Variants in PIK3C2G observed in about 807,000 individuals in gnomAD.
PIK3C2G encodes phosphatidylinositol 3-kinase C2 domain-containing subunit gamma.
PIK3C2G carries 168 observed loss-of-function variants against 181.1 expected under a neutral mutation model. The observed-to-expected ratio is 0.93, with a 90% CI of 0.82 to 1.05. The LOEUF (loss-of-function observed/expected upper bound fraction) is 1.05. Ranked by LOEUF, PIK3C2G falls within the 50% of genes least tolerant of loss-of-function variation. PIK3C2G has a pLI of 0.00. For missense variants in PIK3C2G, 1,869 were observed against 1,732.8 expected (o/e 1.08, Z -1.40); for synonymous variants, 573 against 592.2 (o/e 0.97, Z 0.47).
At chr12:18,501,470 G>C (rs1022884373) in intron 22 of PIK3C2G, among the ~76,000 whole-genome samples, 1 of 152,124 alleles carries the variant, frequency 6.6e-6, no homozygotes, top group Non-Finnish European at 1.5e-5. Context: ...GGATTATGGG[G>C]ATTATAAATT....
chr12:18,354,467 TGA>T (rs1474419548), intron 11 of PIK3C2G, among the ~76,000 whole-genome samples: 2 of 152,188 alleles, frequency 1.3e-5, no homozygotes, highest in African/African-American at 2.4e-5. Flanking sequence ...CAGCCTCTCC[TGA>T]GATGGCCAAT....
chr12:18,416,838 A>G (rs1945207076), intron 16 of PIK3C2G, among the ~76,000 whole-genome samples: 1 of 152,216 alleles, frequency 6.6e-6, no homozygotes, highest in African/African-American at 2.4e-5. Context: ...CTGCTAACAA[A>G]ACATCCATTC....
chr12:18,598,878 C>T (rs1325959227), intron 30 of PIK3C2G, among the ~76,000 whole-genome samples: 2 of 151,786 alleles, frequency 1.3e-5, no homozygotes, highest in East Asian at 1.9e-4. Flanking sequence ...ATTTATGCAG[C>T]CAAAAAACAC....
At chr12:18,575,090 G>A (rs1565523654) in intron 29 of PIK3C2G, among the ~76,000 whole-genome samples, 2 of 152,130 alleles carry the variant, frequency 1.3e-5, no homozygotes, top group Admixed American at 6.6e-5. Context: ...CTAGGTCATA[G>A]GGGTCCTAAG....
At chr12:18,293,302 C>T (rs1949792455) in intron 4 of PIK3C2G, among the ~76,000 whole-genome samples, 1 of 151,946 alleles carries the variant, frequency 6.6e-6, no homozygotes, top group African/African-American at 2.4e-5. Flanking sequence ...CATAAATCAA[C>T]TAAAAAATGA....
intron 26 of PIK3C2G, among the ~76,000 whole-genome samples, chr12:18,547,968 G>A (rs1445771386): frequency 6.6e-6 from 1 of 152,006 alleles, no homozygotes; most frequent in African/African-American, 2.4e-5. Flanking sequence ...AGGAAGAACA[G>A]AAGGGCAGCG....
intron 31 of PIK3C2G, among the ~76,000 whole-genome samples, chr12:18,624,335 A>G (rs963423542): frequency 6.6e-6 from 1 of 151,794 alleles, no homozygotes; most frequent in African/African-American, 2.4e-5. Context: ...TATCACATTA[A>G]TTGATTTGCA....
At chr12:18,546,088 G>A (rs1944406013) in intron 25 of PIK3C2G, among the ~76,000 whole-genome samples, 1 of 151,834 alleles carries the variant, frequency 6.6e-6, no homozygotes, top group African/African-American at 2.4e-5. Flanking sequence ...TAATCTACAA[G>A]AATGTTCCAA....
At chr12:18,441,931 G>A (rs979400866) in intron 18 of PIK3C2G, among the ~76,000 whole-genome samples, 6 of 151,848 alleles carry the variant, frequency 4.0e-5, no homozygotes, top group African/African-American at 7.3e-5. Context: ...AATTTCCTAC[G>A]TCTATCTGTG....
At chr12:18,316,527 C>T (rs548175441) in intron 6 of PIK3C2G, among the ~76,000 whole-genome samples, 4 of 152,250 alleles carry the variant, frequency 2.6e-5, no homozygotes, top group Non-Finnish European at 5.9e-5. Context: ...GCTTATCCAT[C>T]CTACAGTAAA....
At chr12:18,612,082 T>C (rs1348060660) in intron 31 of PIK3C2G, among the ~76,000 whole-genome samples, 1 of 152,082 alleles carries the variant, frequency 6.6e-6, no homozygotes, top group Admixed American at 6.6e-5. Context: ...CTTCTTGGCC[T>C]CTTAACCTCA....
chr12:18,693,959 A>T, the PIK3C2G span: 1 of 1,515,584 alleles, frequency 6.6e-7, no homozygotes, highest in Non-Finnish European at 9.2e-7. Context: ...TGGTGCTGAC[A>T]TCAAGGCAGT....
chr12:18,373,739 G>T (rs1339933160), intron 13 of PIK3C2G, among the ~76,000 whole-genome samples: 1 of 151,998 alleles, frequency 6.6e-6, no homozygotes, highest in African/African-American at 2.4e-5. Flanking sequence ...TGTAGTCCCA[G>T]CTACTCGGGA....
the PIK3C2G span, chr12:18,701,833 A>T: frequency 7.8e-6 from 12 of 1,547,216 alleles, no homozygotes; most frequent in Admixed American, 1.8e-4. Context: ...TTGCATTGTA[A>T]CAGTCACTGA....
intron 29 of PIK3C2G, among the ~76,000 whole-genome samples, chr12:18,586,674 G>A (rs1368309906): frequency 6.6e-6 from 1 of 152,048 alleles, no homozygotes; most frequent in African/African-American, 2.4e-5. Context: ...TACTGAAACT[G>A]TTCCAAAAAA....
chr12:18,701,804 T>TA, the PIK3C2G span: 1 of 1,574,368 alleles, frequency 6.4e-7, no homozygotes, highest in Non-Finnish European at 8.6e-7. Context: ...GAGATACAAT[T>TA]ACACATTTAC....
chr12:18,700,891 G>A, the PIK3C2G span, among the ~76,000 whole-genome samples: 1 of 151,766 alleles, frequency 6.6e-6, no homozygotes, highest in African/African-American at 2.4e-5. Flanking sequence ...TCTTTACTTG[G>A]GACCAGGGAA....
rs747367287 is a variant in PIK3C2G, at chr12:18,608,907, G to A, written c.4088-628G>A. 3.2e-4 allele frequency among the ~76,000 whole-genome samples: 48 copies of A among 152,024 alleles called. 1 individual carries two copies. The highest frequency in any genetic ancestry group is 4.3e-4 in the Non-Finnish European group (29 of 67,988). On this transcript the variant is annotated intron_variant, in intron 30 of 32. Transcript: ENST00000538779. Reference sequence around the variant, plus strand: ...AAATAGATTTGGATTCTGTGCAGGGGGTGGGAGGAGTGAATGAATGTCCTA... The same window carrying A: ...AAATAGATTTGGATTCTGTGCAGGGAGTGGGAGGAGTGAATGAATGTCCTA...
chr12:18,328,281 T>C (rs1256589242), intron 8 of PIK3C2G, among the ~76,000 whole-genome samples: 1 of 151,964 alleles, frequency 6.6e-6, no homozygotes, highest in East Asian at 1.9e-4. Context: ...CAGGAGAATA[T>C]GACATCTCTA....
Sources: gnomAD v4.1 joint callset for allele counts (sites outside exome capture counted in the v4.1 genomes callset) on GRCh38, gnomAD v4.1.1 for gene constraint, MANE v1.5 for transcripts, NCBI Gene and HGNC (gene_info 2026-07-23, HGNC 2026-07-21) for gene names.